Variants in WDR12 observed in about 807,000 individuals in gnomAD.
The protein encoded by WDR12 is ribosome biogenesis protein WDR12.
Under a neutral mutation model 64.3 loss-of-function variants are expected in WDR12, and 42 were observed. The observed-to-expected ratio is 0.65, with a 90% CI of 0.51 to 0.84. The LOEUF (loss-of-function observed/expected upper bound fraction) is 0.84. Among genes scored for constraint, WDR12 ranks in the 40% least tolerant of loss-of-function variants. The probability of loss-of-function intolerance (pLI) is 0.00; values close to 1 mark genes in which losing one functional copy is unlikely to be tolerated. For synonymous variants in WDR12, 158 were observed against 173.3 expected (o/e 0.91, Z 0.70); for missense variants, 469 against 494.6 (o/e 0.95, Z 0.49).
chr2:202,898,292 G>A (rs1260226471), intron 4 of WDR12, among the ~76,000 whole-genome samples: 3 of 151,970 alleles, frequency 2.0e-5, no homozygotes, highest in African/African-American at 7.2e-5. Context: ...CTGGGACTAT[G>A]GGCACAGACC....
chr2:202,885,938 T>A (rs1291947023), intron 8 of WDR12, among the ~76,000 whole-genome samples: 1 of 151,900 alleles, frequency 6.6e-6, no homozygotes, highest in Non-Finnish European at 1.5e-5. Flanking sequence ...ATGACTATAG[T>A]CATATCTATT....
Position 202,892,705 on chromosome 2 carries a change from G to A in WDR12, c.656-3C>T, listed in dbSNP as rs201818624. ...TTCATCTTCTTCATCTGTAGGGACT[G>A]TGTCATAGAGAATTAGATTTGACAT... On this transcript the variant is annotated splice_region_variant and splice_polypyrimidine_tract_variant and intron_variant, in intron 7 of 12. Transcript: ENST00000261015. The A allele has an allele frequency of 1.7e-4, 269 of 1,603,900 alleles. 1 individual carries two copies. In the African/African-American group the frequency reaches 2.5e-3, roughly 15 times the overall value.
At chr2:202,899,032 GTTTTTTTTTT>G (rs779419072) in intron 4 of WDR12, among the ~76,000 whole-genome samples, 2 of 73,652 alleles carry the variant, frequency 2.7e-5, no homozygotes, top group African/African-American at 5.4e-5. Context: ...AATACCTGTG[GTTTTTTTTTT>G]TTTTTTTTTT....
At chr2:202,887,793 C>A (rs1201791497) in intron 8 of WDR12, among the ~76,000 whole-genome samples, 3 of 149,070 alleles carry the variant, frequency 2.0e-5, no homozygotes, top group South Asian at 4.2e-4. Flanking sequence ...GAGGCTGAGG[C>A]AGGAGAATGG....
intron 6 of WDR12, 101 bp from the exon 7 acceptor site, chr2:202,894,727 C>G: frequency 1.1e-6 from 1 of 950,616 alleles, no homozygotes; most frequent in Non-Finnish European, 1.5e-6. Flanking sequence ...TTTCAAAGAA[C>G]TTGTGTTCCA....
chr2:202,883,765 C>T (rs780900153), intron 10 of WDR12, 24 bp from the exon 11 acceptor site: 29 of 1,599,408 alleles, frequency 1.8e-5, no homozygotes, highest in Admixed American at 1.4e-4. Context: ...AAAAGACAAG[C>T]GTTGAATTTT....
chr2:202,909,247 A>T (rs557015576), intron 1 of WDR12, among the ~76,000 whole-genome samples: 4 of 152,344 alleles, frequency 2.6e-5, no homozygotes, highest in Non-Finnish European at 5.9e-5. Flanking sequence ...GTGTTCACAT[A>T]ACAACTATTC....
chr2:202,888,778 T>A (rs1364796252), intron 8 of WDR12, among the ~76,000 whole-genome samples: 1 of 152,180 alleles, frequency 6.6e-6, no homozygotes, highest in East Asian at 1.9e-4. Flanking sequence ...AGTGGTGCAA[T>A]CGTAACTCAC....
chr2:202,895,694 T>A (rs988949903), intron 6 of WDR12, among the ~76,000 whole-genome samples: 15 of 149,036 alleles, frequency 1.0e-4, no homozygotes, highest in South Asian at 2.1e-4. Context: ...GGCTTATTTT[T>A]TTTTTTTTTT....
chr2:202,897,482 G>T, intron 4 of WDR12, 67 bp from the exon 5 acceptor site: 2 of 840,626 alleles, frequency 2.4e-6, no homozygotes, highest in Non-Finnish European at 1.8e-6. Flanking sequence ...TGTTTCTTTG[G>T]CAATGACAAA....
At position 202,874,377 on chromosome 2, in the gene WDR12, G is replaced by A. The variant is rs576774982; in HGVS notation, c.*6483C>T. ...AAAAGGGGTTTTCCTCCATTGTATA[G>A]ACTTTTACAAGCTAACTAGACAAGA... is the stretch of plus-strand genomic sequence containing the variant. On this transcript the variant is annotated 3_prime_UTR_variant, in exon 13 of 13. Transcript: ENST00000261015. 7.0e-4 allele frequency among the ~76,000 whole-genome samples: 106 copies of A among 152,164 alleles called. No homozygotes were observed. The highest frequency in any genetic ancestry group is 2.5e-3 in the African/African-American group (102 of 41,532).
chr2:202,883,336 AT>A, intron 11 of WDR12: 1 of 284,262 alleles, frequency 3.5e-6, no homozygotes, highest in East Asian at 7.4e-5. Context: ...GAGTTTCACC[AT>A]GTTGGCCAGG....
At position 202,896,217 on chromosome 2, in the gene WDR12, T is replaced by C. The variant is rs146618179; in HGVS notation, c.457A>G (p.Ser153Gly). The change falls in exon 6 of 13, where the codon AGT becomes GGT. Residue 153 changes from serine to glycine, a missense_variant and splice_region_variant. Coordinates refer to ENST00000261015, the MANE Select transcript of WDR12 (RefSeq NM_018256.4). ...VKDVAWVKKD[S>G]LSCLLLSASM... ...GCACTCAATAATAAGCAGGACAAAC[T>C]ATCTGGAGAAAGGAGAACACAAGAA... 7 of 1,612,964 alleles carry C rather than the reference T, an allele frequency of 4.3e-6. No homozygotes were observed. Among genetic ancestry groups the C allele is most frequent in the Non-Finnish European group, 4.2e-6 (5 of 1,179,684 alleles).
intron 6 of WDR12, among the ~76,000 whole-genome samples, chr2:202,895,696 T>A (rs1157702388): frequency 2.0e-5 from 3 of 149,490 alleles, no homozygotes; most frequent in Non-Finnish European, 4.5e-5. Context: ...CTTATTTTTT[T>A]TTTTTTTTTT....
At chr2:202,899,455 G>A in intron 4 of WDR12, 76 bp downstream of exon 4, 2 of 1,237,502 alleles carry the variant, frequency 1.6e-6, no homozygotes, top group Non-Finnish European at 2.3e-6. Flanking sequence ...AGAAAAATAT[G>A]TATATATGGA....
intron 4 of WDR12, 22 bp from the exon 5 acceptor site, chr2:202,897,437 T>C: frequency 7.0e-7 from 1 of 1,429,930 alleles, no homozygotes; most frequent in Non-Finnish European, 9.4e-7. Context: ...AAAAATCTTA[T>C]GAAACACAAA....
intron 1 of WDR12, among the ~76,000 whole-genome samples, chr2:202,909,085 GGCAGTAACGTAAAATGGT>G (rs1688517028): frequency 6.6e-6 from 1 of 152,152 alleles, no homozygotes; most frequent in Admixed American, 6.5e-5. Flanking sequence ...GATTATTGCT[GGCAGTAACGTAAAATGGT>G]GCAGTTGCTT....
chr2:202,899,819 A>C (rs1688318292), intron 3 of WDR12, among the ~76,000 whole-genome samples, 182 bp from the exon 4 acceptor site: 1 of 152,120 alleles, frequency 6.6e-6, no homozygotes, highest in Non-Finnish European at 1.5e-5. Flanking sequence ...GTAAGCTAAG[A>C]GTGATATTAG....
At chr2:202,897,900 A>AT (rs1342314676) in intron 4 of WDR12, among the ~76,000 whole-genome samples, 11 of 44,006 alleles carry the variant, frequency 2.5e-4, no homozygotes, top group African/African-American at 6.0e-4. Flanking sequence ...AAAAAAAAAA[A>AT]AAAAAAAAAT....
Sources: gnomAD v4.1 joint callset for allele counts (sites outside exome capture counted in the v4.1 genomes callset) on GRCh38, gnomAD v4.1.1 for gene constraint, MANE v1.5 for transcripts, NCBI Gene and HGNC (gene_info 2026-07-23, HGNC 2026-07-21) for gene names.